The following ZNF804A variants were observed in gnomAD, a reference collection of about 807,000 sequenced individuals.
ZNF804A encodes zinc finger protein 804A.
ZNF804A carries 2 observed loss-of-function variants against 16.5 expected under a neutral mutation model. That is an observed-to-expected ratio of 0.12 (90% CI 0.05 to 0.38). The LOEUF (loss-of-function observed/expected upper bound fraction) is 0.38. ZNF804A is among the 10% of genes least tolerant of loss of function. ZNF804A has a pLI of 0.99. For missense variants in ZNF804A, 1,473 were observed against 1,390.7 expected (o/e 1.06, Z -0.94); for synonymous variants, 534 against 489.6 (o/e 1.09, Z -1.20).
At chr2:184,894,944 CG>C (rs1284607745) in intron 2 of ZNF804A, among the ~76,000 whole-genome samples, 6 of 152,080 alleles carry the variant, frequency 3.9e-5, no homozygotes, top group African/African-American at 1.4e-4. Flanking sequence ...CCCCCCACGT[CG>C]GCCTCCAAGA....
chr2:184,733,145 T>C (rs1020037447), intron 1 of ZNF804A, among the ~76,000 whole-genome samples: 1 of 152,152 alleles, frequency 6.6e-6, no homozygotes, highest in African/African-American at 2.4e-5. Context: ...CCATAAAGTA[T>C]GATGCTAGCT....
chr2:184,925,798 CACAA>C (rs1461457919), intron 2 of ZNF804A, among the ~76,000 whole-genome samples: 2 of 151,922 alleles, frequency 1.3e-5, no homozygotes, highest in Admixed American at 6.6e-5. Context: ...ACAGTTTTTA[CACAA>C]ACAAACGTGA....
rs191828809 is a variant in ZNF804A, at chr2:184,689,503, G to T, written c.111+90433G>T. 1.6e-4 allele frequency among the ~76,000 whole-genome samples: 24 copies of T among 151,970 alleles called. No individual in the cohort carries two copies. In the East Asian group the frequency reaches 2.9e-3, roughly 18 times the overall value. ...GATTTGCCTAAAAATTAAGGAATTT[G>T]GTAAGAACATATATTTGAAAGCTAT... On this transcript the variant is annotated intron_variant, in intron 1 of 3. Coordinates refer to ENST00000302277, the MANE Select transcript of ZNF804A (RefSeq NM_194250.2).
intron 1 of ZNF804A, among the ~76,000 whole-genome samples, chr2:184,807,199 T>C (rs1694821357): frequency 6.6e-6 from 1 of 151,818 alleles, no homozygotes; most frequent in Non-Finnish European, 1.5e-5. Flanking sequence ...CCTGTAAAAA[T>C]AGAATGCTAG....
intron 2 of ZNF804A, among the ~76,000 whole-genome samples, chr2:184,887,848 A>G (rs1046753216): frequency 6.6e-6 from 1 of 152,184 alleles, no homozygotes; most frequent in African/African-American, 2.4e-5. Context: ...TCAGGCCACT[A>G]TCTTAAGTGA....
chr2:184,882,243 A>G lies in ZNF804A; in HGVS notation c.255+15731A>G, dbSNP rs1195493722. On this transcript the variant is annotated intron_variant, in intron 2 of 3. Coordinates refer to ENST00000302277, the MANE Select transcript of ZNF804A (RefSeq NM_194250.2). ...AGCTCATATCAACAAGATGATTACA[A>G]GAAGATCTAACTATGCTAAATATGT... is the stretch of plus-strand genomic sequence containing the variant. 2.6e-5 allele frequency among the ~76,000 whole-genome samples: 4 copies of G among 152,096 alleles called. No individual in the cohort carries two copies. In the East Asian group the frequency reaches 7.7e-4, roughly 29 times the overall value.
In ZNF804A at chr2:184,677,478, A is replaced by G. The variant is rs572747362; in HGVS notation, c.111+78408A>G. Among the ~76,000 whole-genome samples, 7 of 152,122 alleles carry G rather than the reference A, an allele frequency of 4.6e-5. No individual in the cohort carries two copies. In the South Asian group the frequency reaches 1.4e-3, roughly 31 times the overall value. On this transcript the variant is annotated intron_variant, in intron 1 of 3. Coordinates refer to ENST00000302277, the MANE Select transcript of ZNF804A (RefSeq NM_194250.2). ...GTCATCTGAGATAGAACAGATCTTGAAAATTATCTACAATGTCAATAATAC... is the reference window on the plus strand; with the variant it reads ...GTCATCTGAGATAGAACAGATCTTGGAAATTATCTACAATGTCAATAATAC...
chr2:184,842,554 A>G (rs909222432), intron 1 of ZNF804A, among the ~76,000 whole-genome samples: 1 of 151,966 alleles, frequency 6.6e-6, no homozygotes, highest in Non-Finnish European at 1.5e-5. Context: ...ATTTTAGGAA[A>G]TAGTAGAACT....
At chr2:184,769,623 G>T (rs1672060590) in intron 1 of ZNF804A, among the ~76,000 whole-genome samples, 2 of 151,948 alleles carry the variant, frequency 1.3e-5, no homozygotes. Context: ...TATAGGAAAA[G>T]AAAATAAAGA....
At chr2:184,812,229 AT>A (rs1177447857) in intron 1 of ZNF804A, among the ~76,000 whole-genome samples, 1 of 152,180 alleles carries the variant, frequency 6.6e-6, no homozygotes, top group Non-Finnish European at 1.5e-5. Flanking sequence ...AAAAATGGCC[AT>A]GTCTTTTCTA....
intron 1 of ZNF804A, among the ~76,000 whole-genome samples, chr2:184,827,969 T>G (rs935841753): frequency 1.3e-5 from 2 of 151,856 alleles, no homozygotes; most frequent in Non-Finnish European, 2.9e-5. Context: ...AGCATCATTA[T>G]AATCTCCTAT....
chr2:184,718,037 A>G (rs922627137), intron 1 of ZNF804A, among the ~76,000 whole-genome samples: 2 of 152,208 alleles, frequency 1.3e-5, no homozygotes, highest in Non-Finnish European at 2.9e-5. Context: ...TGATAAAGAT[A>G]TACCTGGGAC....
At chr2:184,802,596 C>G (rs1694744551) in intron 1 of ZNF804A, among the ~76,000 whole-genome samples, 1 of 152,182 alleles carries the variant, frequency 6.6e-6, no homozygotes, top group Non-Finnish European at 1.5e-5. Context: ...AACTGTGACT[C>G]TCTGAGATCA....
chr2:184,892,209 C>T (rs924168114), intron 2 of ZNF804A, among the ~76,000 whole-genome samples: 1 of 152,098 alleles, frequency 6.6e-6, no homozygotes, highest in African/African-American at 2.4e-5. Flanking sequence ...TAATATGTCA[C>T]ATAGAAAGGA....
chr2:184,885,611 A>T (rs1311375916), intron 2 of ZNF804A, among the ~76,000 whole-genome samples: 3 of 152,254 alleles, frequency 2.0e-5, no homozygotes, highest in East Asian at 1.9e-4. Context: ...TGAGACTGGG[A>T]AGAAAAAGAG....
chr2:184,912,342 C>T (rs1056373408), intron 2 of ZNF804A, among the ~76,000 whole-genome samples: 1 of 151,782 alleles, frequency 6.6e-6, no homozygotes, highest in African/African-American at 2.4e-5. Flanking sequence ...CAGTTTTGTC[C>T]ATTTATTATT....
chr2:184,923,848 A>G (rs1302554370), intron 2 of ZNF804A, among the ~76,000 whole-genome samples: 1 of 152,028 alleles, frequency 6.6e-6, no homozygotes. Flanking sequence ...ATGATGTATC[A>G]CACTGATTGA....
chr2:184,768,299 T>C (rs1414344454), intron 1 of ZNF804A, among the ~76,000 whole-genome samples: 2 of 152,046 alleles, frequency 1.3e-5, no homozygotes, highest in Non-Finnish European at 2.9e-5. Flanking sequence ...AATTTTGGTA[T>C]CTGCAGGGGT....
chr2:184,693,180 A>T (rs1175618156), intron 1 of ZNF804A, among the ~76,000 whole-genome samples: 1 of 152,092 alleles, frequency 6.6e-6, no homozygotes, highest in Admixed American at 6.6e-5. Context: ...ATTTTTTCGT[A>T]TTATTATATT....
Sources: gnomAD v4.1 joint callset for allele counts (sites outside exome capture counted in the v4.1 genomes callset) on GRCh38, gnomAD v4.1.1 for gene constraint, MANE v1.5 for transcripts, NCBI Gene and HGNC (gene_info 2026-07-23, HGNC 2026-07-21) for gene names.